The following ATAT1 variants were observed in gnomAD, a reference collection of about 807,000 sequenced individuals.
ATAT1 encodes alpha tubulin acetyltransferase 1, also known as alpha-tubulin N-acetyltransferase 1.
A neutral mutation model predicts 57.2 loss-of-function variants in ATAT1; 42 were observed. The observed-to-expected ratio is 0.73, with a 90% CI of 0.57 to 0.95. The LOEUF (loss-of-function observed/expected upper bound fraction) is 0.95, where lower values mean the gene tolerates loss of function less well. Ranked by LOEUF, ATAT1 falls within the 40% of genes least tolerant of loss-of-function variation. The pLI, the probability that ATAT1 is intolerant of heterozygous loss-of-function variation, is 0.00. For synonymous variants in ATAT1, 168 were observed against 187.1 expected (o/e 0.90, Z 0.83); for missense variants, 454 against 523.7 (o/e 0.87, Z 1.30).
intron 6 of ATAT1, among the ~76,000 whole-genome samples, chr6:30,632,835 A>G (rs1200406805): frequency 6.6e-6 from 1 of 151,194 alleles, no homozygotes; most frequent in African/African-American, 2.4e-5. Context: ...TACTCGGGAG[A>G]CTGAGGCAGG....
chr6:30,644,057 A>G, intron 10 of ATAT1: 1 of 989,436 alleles, frequency 1.0e-6, no homozygotes, highest in Non-Finnish European at 1.2e-6. Context: ...AATGGCCGCT[A>G]GTGAGCAAGC....
At chr6:30,642,397 C>G in intron 9 of ATAT1, 150 bp downstream of exon 9, 1 of 1,142,692 alleles carries the variant, frequency 8.8e-7, no homozygotes, top group Non-Finnish European at 1.3e-6. Flanking sequence ...AATCCCAGCA[C>G]TTTGAGAGGC....
At position 30,627,928 on chromosome 6, in the gene ATAT1, G is replaced by A. The variant is rs150381901; in HGVS notation, c.285+17G>A. The A allele has an allele frequency of 8.8e-3, 14,229 of 1,612,676 alleles. 115 individuals carry two copies. The highest frequency in any genetic ancestry group is 0.03 in the Middle Eastern group (180 of 6,060). On this transcript the variant is annotated intron_variant, in intron 4 of 12. Transcript: ENST00000330083. The stretch of plus-strand genomic sequence containing the variant: ...TTTGTACTGGTGAGTGTTATTGGAT[G>A]CTAGGAGTTCGTATACCTTGGTTTC...
chr6:30,641,409 G>A (rs1765416630), intron 8 of ATAT1, among the ~76,000 whole-genome samples: 1 of 152,210 alleles, frequency 6.6e-6, no homozygotes, highest in Non-Finnish European at 1.5e-5. Context: ...GCTGTGAGAG[G>A]GACTGAGGGC....
rs1365478787 is a variant in ATAT1 at position 30,626,953 on chromosome 6, G to A, written c.-251G>A. 1.2e-6 allele frequency: 2 copies of A among 1,607,562 alleles called. No homozygotes were observed. Among genetic ancestry groups the A allele is most frequent in the Non-Finnish European group, 8.5e-7 (1 of 1,177,768 alleles). On this transcript the variant is annotated 5_prime_UTR_variant, in exon 1 of 13. Transcript: ENST00000330083. ...ATCACGGTGCTGGACCAGCACCTGA[G>A]GCCCCCAGCCCGCCGACCCGGAACC...
chr6:30,628,998 T>C (rs1348884072), intron 6 of ATAT1, among the ~76,000 whole-genome samples: 1 of 151,482 alleles, frequency 6.6e-6, no homozygotes, highest in Non-Finnish European at 1.5e-5. Flanking sequence ...CCTTCTGGGC[T>C]CAAGCGATAC....
intron 6 of ATAT1, among the ~76,000 whole-genome samples, chr6:30,628,660 A>G (rs1762182620): frequency 6.6e-6 from 1 of 151,472 alleles, no homozygotes; most frequent in African/African-American, 2.4e-5. Context: ...GCTGGAGTAC[A>G]GTGGCGCAAT....
chr6:30,637,716 G>C (rs1447413379), intron 6 of ATAT1, among the ~76,000 whole-genome samples: 1 of 151,010 alleles, frequency 6.6e-6, no homozygotes, highest in African/African-American at 2.4e-5. Context: ...ATTGGCTCGC[G>C]CCTGTAACCC....
In ATAT1 at chr6:30,643,023, T is replaced by C. The variant is rs372112826; in HGVS notation, c.932+12T>C. On this transcript the variant is annotated intron_variant, in intron 10 of 12. Coordinates refer to ENST00000330083, the MANE Select transcript of ATAT1 (RefSeq NM_001031722.4). ...CGTCGTCGCACCAGGTAATAGGAGTTGAAGGGCTAAGGAGCCTCACAGCTA... is the reference window on the plus strand; with the variant it reads ...CGTCGTCGCACCAGGTAATAGGAGTCGAAGGGCTAAGGAGCCTCACAGCTA... 14 of 1,604,540 alleles carry C rather than the reference T, an allele frequency of 8.7e-6. No homozygotes were observed. The highest frequency in any genetic ancestry group is 8.5e-7 in the Non-Finnish European group (1 of 1,174,702).
chr6:30,627,938 C>G (rs373246158), intron 4 of ATAT1, 27 bp downstream of exon 4: 14 of 1,611,892 alleles, frequency 8.7e-6, no homozygotes, highest in Middle Eastern at 1.6e-4. Context: ...GCTAGGAGTT[C>G]GTATACCTTG....
At chr6:30,631,327 A>G (rs772686077) in intron 6 of ATAT1, among the ~76,000 whole-genome samples, 7 of 151,764 alleles carry the variant, frequency 4.6e-5, no homozygotes. Flanking sequence ...ACTAAAAAAA[A>G]TACAAAAAAA....
chr6:30,633,942 A>G (rs1453780932), intron 6 of ATAT1: 2 of 165,782 alleles, frequency 1.2e-5, no homozygotes, highest in African/African-American at 4.8e-5. Flanking sequence ...GCAGAAGGCC[A>G]GTGAGGATGA....
chr6:30,642,333 C>T (rs1765628072), intron 9 of ATAT1, 86 bp downstream of exon 9: 9 of 1,570,348 alleles, frequency 5.7e-6, no homozygotes, highest in Middle Eastern at 1.7e-4. Flanking sequence ...GGAAAGGATT[C>T]GTTCTCTCTA....
In ATAT1 at chr6:30,639,479, C is replaced by T. The variant is rs9378146; in HGVS notation, c.502-898C>T. 3.7e-3 allele frequency among the ~76,000 whole-genome samples: 516 copies of T among 139,522 alleles called. 30 individuals carry two copies. In the East Asian group the frequency reaches 0.1, roughly 28 times the overall value. 91.5% of individuals were successfully genotyped at this position (139,522 alleles called of 152,430 possible). On this transcript the variant is annotated intron_variant, in intron 6 of 12. Transcript: ENST00000330083. ...TGTAGATTGTCTTTTCACTTTCTTT[C>T]TTTTTTTTTTTTTTTGAGACGGAGT...
chr6:30,641,108 TACACACATAC>T (rs1239088407), intron 8 of ATAT1, among the ~76,000 whole-genome samples: 5 of 146,708 alleles, frequency 3.4e-5, no homozygotes, highest in Non-Finnish European at 4.5e-5. Flanking sequence ...CCATCCCATA[TACACACATAC>T]ACACACACAC....
chr6:30,631,481 AAAG>A (rs1762863376), intron 6 of ATAT1, among the ~76,000 whole-genome samples: 2 of 149,492 alleles, frequency 1.3e-5, no homozygotes, highest in Admixed American at 1.3e-4. Context: ...TCTCAAAAAA[AAAG>A]AATAAAAACC....
At chr6:30,645,216 A>C (rs533619459) in intron 10 of ATAT1, among the ~76,000 whole-genome samples, 1 of 150,536 alleles carries the variant, frequency 6.6e-6, no homozygotes, top group African/African-American at 2.5e-5. Flanking sequence ...TGGTCTAAGG[A>C]ATCTTTTTTT....
At chr6:30,635,725 C>A (rs1763939718) in intron 6 of ATAT1, among the ~76,000 whole-genome samples, 2 of 152,308 alleles carry the variant, frequency 1.3e-5, no homozygotes, top group South Asian at 4.1e-4. Context: ...TGAGAAGTTA[C>A]CATTGGATTT....
intron 6 of ATAT1, among the ~76,000 whole-genome samples, chr6:30,639,634 A>G (rs2894042): frequency 0.11 from 16,324 of 151,510 alleles, 1,518 homozygotes; most frequent in African/African-American, 0.24. Flanking sequence ...CCGCCACCAC[A>G]TCCGGCTAAT....
Sources: gnomAD v4.1 joint callset for allele counts (sites outside exome capture counted in the v4.1 genomes callset) on GRCh38, gnomAD v4.1.1 for gene constraint, MANE v1.5 for transcripts, NCBI Gene and HGNC (gene_info 2026-07-23, HGNC 2026-07-21) for gene names.